The following AFAP1L1 variants were observed in gnomAD, a reference collection of about 807,000 sequenced individuals.
AFAP1L1 encodes actin filament associated protein 1 like 1, also known as actin filament-associated protein 1-like 1.
A neutral mutation model predicts 99.8 loss-of-function variants in AFAP1L1; 77 were observed. The observed-to-expected ratio is 0.77, with a 90% confidence interval of 0.64 to 0.93. AFAP1L1 has a LOEUF of 0.93. Among genes scored for constraint, AFAP1L1 ranks in the 40% least tolerant of loss-of-function variants. AFAP1L1 has a pLI of 0.00. For missense variants in AFAP1L1, 893 were observed against 996.8 expected, an observed-to-expected ratio of 0.90 and a Z score of 1.40; for synonymous variants, 373 against 395.3, an observed-to-expected ratio of 0.94 and a Z score of 0.67.
rs540978398 is a variant in AFAP1L1 at position 149,342,106 on chromosome 5, C to G, written c.*2076C>G. On this transcript the variant is annotated 3_prime_UTR_variant, in exon 19 of 19. Coordinates refer to ENST00000296721, the MANE Select transcript of AFAP1L1 (RefSeq NM_152406.4). ...TGCAACCTGTGCAGTCACACAGGGC[C>G]CCATGCTTAGAAGGGCCCTGTTCTT... Among the ~76,000 whole-genome samples the G allele has an allele frequency of 6.6e-6, 1 of 152,170 alleles. No homozygotes were observed. The highest frequency in any genetic ancestry group is 6.5e-5 in the Admixed American group (1 of 15,276).
At chr5:149,296,842 G>A (rs1201118011) in intron 1 of AFAP1L1, among the ~76,000 whole-genome samples, 2 of 152,144 alleles carry the variant, frequency 1.3e-5, no homozygotes, top group Non-Finnish European at 2.9e-5. Flanking sequence ...TGGCTGGGGA[G>A]GCCTCAGGAA....
intron 4 of AFAP1L1, among the ~76,000 whole-genome samples, 190 bp from the exon 5 acceptor site, chr5:149,302,227 TA>T (rs36026468): frequency 0.92 from 139,570 of 152,224 alleles, 64,064 homozygotes; most frequent in Non-Finnish European, 0.93. Flanking sequence ...CCCTGATGAT[TA>T]AAAAAAATTG....
chr5:149,297,937 C>T (rs1756068331), intron 1 of AFAP1L1, among the ~76,000 whole-genome samples: 1 of 152,238 alleles, frequency 6.6e-6, no homozygotes, highest in Non-Finnish European at 1.5e-5. Context: ...GGGCAAGGCC[C>T]TTTGCATGTC....
chr5:149,336,210 C>A (rs1403983411), intron 18 of AFAP1L1, among the ~76,000 whole-genome samples: 1 of 152,192 alleles, frequency 6.6e-6, no homozygotes, highest in African/African-American at 2.4e-5. Flanking sequence ...TACACTAACA[C>A]ATGATGAAAA....
chr5:149,329,498 G>T (rs1287168584), intron 15 of AFAP1L1, among the ~76,000 whole-genome samples, 168 bp from the exon 16 acceptor site: 2 of 152,170 alleles, frequency 1.3e-5, no homozygotes, highest in East Asian at 3.8e-4. Flanking sequence ...CCTCCCTTTT[G>T]CTTCTTATTT....
Position 149,340,201 on chromosome 5 carries a change from G to A in AFAP1L1, c.*171G>A. 1 of 653,780 alleles carries A rather than the reference G, an allele frequency of 1.5e-6. No homozygotes were observed. The allele number at this position is 653,780 out of a possible 1,614,324, so 40.5% of individuals were successfully genotyped here. On this transcript the variant is annotated 3_prime_UTR_variant, in exon 19 of 19. Coordinates refer to ENST00000296721, the MANE Select transcript of AFAP1L1 (RefSeq NM_152406.4). ...CATGATTTTAGGGGATATGGGGAGG[G>A]AACAAGTAGAAGGGAAGAGGGAAAT... is the stretch of plus-strand genomic sequence containing the variant.
At chr5:149,321,065 C>T (rs1743529937) in intron 14 of AFAP1L1, among the ~76,000 whole-genome samples, 1 of 152,200 alleles carries the variant, frequency 6.6e-6, no homozygotes, top group South Asian at 2.1e-4. Context: ...TGGGTCAGGC[C>T]TCACAGTTAG....
In AFAP1L1 at chr5:149,316,223, G is replaced by A. The variant is rs369601847; in HGVS notation, c.1187G>A (p.Arg396His). Residue 396 changes from arginine to histidine, a missense_variant, in exon 11 of 19, where the codon CGT becomes CAT. By Grantham distance (29) the Arg-to-His change is conservative. Coordinates refer to ENST00000296721, the MANE Select transcript of AFAP1L1 (RefSeq NM_152406.4). ...MSRAAGRKIT[R>H]IIGFSKKKTL... ...AGGGCTGCGGGCCGCAAGATCACCC[G>A]TATCATTGGCTTCTCCAAGAAGAAG... 46 of 1,613,976 alleles carry A rather than the reference G, an allele frequency of 2.9e-5. 1 individual carries two copies. The African/African-American group carries it at 3.2e-4, about 11-fold the overall frequency.
chr5:149,331,286 A>G (rs1383884423), intron 16 of AFAP1L1, among the ~76,000 whole-genome samples: 1 of 152,186 alleles, frequency 6.6e-6, no homozygotes, highest in Non-Finnish European at 1.5e-5. Flanking sequence ...TTCTAAAAGA[A>G]AGAAAATTTT....
intron 1 of AFAP1L1, among the ~76,000 whole-genome samples, chr5:149,288,331 C>CCTCA (rs1420622554): frequency 3.9e-5 from 6 of 152,220 alleles, no homozygotes; most frequent in Non-Finnish European, 8.8e-5. Context: ...CCTCTCTGAG[C>CCTCA]CTCACTTGGC....
chr5:149,311,221 T>G (rs1011964321), intron 8 of AFAP1L1, among the ~76,000 whole-genome samples: 19 of 152,290 alleles, frequency 1.2e-4, no homozygotes, highest in African/African-American at 3.4e-4. Flanking sequence ...TGATGGAACA[T>G]TTGGTGTTTC....
Position 149,307,486 on chromosome 5 carries a change from A to C in AFAP1L1, c.620A>C (p.Gln207Pro), listed in dbSNP as rs759695857. ...GGGAAGAGCCCGCAGCCCCGACACCAGTGGCCCTCAGAGGAGGCCTCCATG... is the reference window on the plus strand; with the variant it reads ...GGGAAGAGCCCGCAGCCCCGACACCCGTGGCCCTCAGAGGAGGCCTCCATG... Reference protein sequence around the residue: ...EEGKSPQPRHQWPSEEASMHL... With the variant: ...EEGKSPQPRHPWPSEEASMHL... The change falls in exon 7 of 19, where the codon CAG (glutamine) becomes CCG (proline). Residue 207 changes from glutamine to proline, a missense_variant. Transcript: ENST00000296721. 1.9e-6 allele frequency: 3 copies of C among 1,614,186 alleles called. No homozygotes were observed. The Admixed American group carries it at 5.0e-5, about 27-fold the overall frequency.
At chr5:149,337,222 T>C (rs1757430028) in intron 18 of AFAP1L1, among the ~76,000 whole-genome samples, 1 of 152,176 alleles carries the variant, frequency 6.6e-6, no homozygotes, top group Non-Finnish European at 1.5e-5. Flanking sequence ...TCTGGGGATC[T>C]AATGTACAGA....
chr5:149,319,496 T>C, intron 12 of AFAP1L1, 86 bp from the exon 13 acceptor site: 1 of 1,473,440 alleles, frequency 6.8e-7, no homozygotes, highest in Admixed American at 2.1e-5. Context: ...TACTTACAAA[T>C]ATTTCTGGGT....
chr5:149,322,303 A>C (rs1337648316), intron 14 of AFAP1L1, among the ~76,000 whole-genome samples: 2 of 152,182 alleles, frequency 1.3e-5, no homozygotes, highest in Non-Finnish European at 2.9e-5. Flanking sequence ...TTCTAAAGAC[A>C]AAAGTATCGA....
Position 149,340,319 on chromosome 5 carries a change from C to T in AFAP1L1, c.*289C>T, listed in dbSNP as rs928659151. 8.6e-5 allele frequency: 30 copies of T among 349,124 alleles called. No individual in the cohort carries two copies. The highest frequency in any genetic ancestry group is 5.5e-4 in the African/African-American group (27 of 49,334). The allele number at this position is 349,124 out of a possible 1,614,324, so 21.6% of individuals were successfully genotyped here. A position where few individuals can be genotyped will look rare whatever the true frequency, so the allele number is the denominator to read the frequency against. On this transcript the variant is annotated 3_prime_UTR_variant, in exon 19 of 19. Transcript: ENST00000296721. Reference sequence around the variant, plus strand: ...TGTAAAGGTTTTATAGATGTCTTTGCCTTCCCTTCTGAGGAAGGGAAGAAG... The same window carrying T: ...TGTAAAGGTTTTATAGATGTCTTTGTCTTCCCTTCTGAGGAAGGGAAGAAG...
Position 149,309,980 on chromosome 5 carries a change from C to A in AFAP1L1, c.772C>A (p.Gln258Lys). 1 of 1,614,244 alleles carries A rather than the reference C, an allele frequency of 6.2e-7. No individual in the cohort carries two copies. Reference sequence around the variant, plus strand: ...GTGTTACAAAAGCTCCAAGGATCGGCAGCCACATCTGAGGTTGGCACTGGA... The same window carrying A: ...GTGTTACAAAAGCTCCAAGGATCGGAAGCCACATCTGAGGTTGGCACTGGA... ...LLCYKSSKDR[Q>K]PHLRLALDTC... Residue 258 changes from glutamine to lysine, a missense_variant, in exon 8 of 19, where the codon CAG becomes AAG. Transcript: ENST00000296721.
intron 15 of AFAP1L1, among the ~76,000 whole-genome samples, chr5:149,324,071 C>T (rs1312924464): frequency 6.6e-6 from 1 of 152,198 alleles, no homozygotes; most frequent in African/African-American, 2.4e-5. Flanking sequence ...GGGTCATAAG[C>T]TTCCTTGAAG....
At chr5:149,272,055 CGGAGAGGAGGAG>C (rs1432124068) in intron 1 of AFAP1L1, 71 bp downstream of exon 1, 1 of 1,118,058 alleles carries the variant, frequency 8.9e-7, no homozygotes, top group Non-Finnish European at 1.1e-6. Flanking sequence ...GATCTGAAGC[CGGAGAGGAGGAG>C]GGAGAGAGGC....
Sources: allele counts gnomAD v4.1 joint callset (sites outside exome capture counted in the v4.1 genomes callset), GRCh38; gene constraint gnomAD v4.1.1; transcripts MANE v1.5; gene names NCBI Gene and HGNC (gene_info 2026-07-23, HGNC 2026-07-21).